Variants in CYP27C1 observed in about 807,000 individuals in gnomAD.
CYP27C1 encodes the protein cytochrome P450 family 27 subfamily C member 1, also known as cytochrome P450 27C1.
In CYP27C1, 29 loss-of-function variants were observed where a neutral mutation model predicts 40.6. The ratio of observed to expected loss-of-function variants is 0.71; its 90% CI spans 0.53 to 0.97. The LOEUF (loss-of-function observed/expected upper bound fraction) is 0.97, where lower values mean the gene tolerates loss of function less well. Ranked by LOEUF, CYP27C1 falls within the 50% of genes least tolerant of loss-of-function variation. The pLI is 0.00. For synonymous variants in CYP27C1, 198 were observed against 186.8 expected (o/e 1.06, Z -0.49); for missense variants, 390 against 485.8 (o/e 0.80, Z 1.85).
In CYP27C1 at chr2:127,206,851, T is replaced by C. The variant is rs1335953188; in HGVS notation, c.283-761A>G. ...AAAATGAAGGAAAAGACATCTGGAT[T>C]GGAAATGAAGAAGTCAGGCTATCTC... On this transcript the variant is annotated intron_variant, in intron 1 of 8. Transcript: ENST00000664447. Among the ~76,000 whole-genome samples, 3 of 152,118 alleles carry C rather than the reference T, an allele frequency of 2.0e-5. No homozygotes were observed. The East Asian group carries it at 5.8e-4, about 29-fold the overall frequency.
At position 127,209,577 on chromosome 2, in the gene CYP27C1, G is replaced by T. The variant is rs1683297955; in HGVS notation, c.283-3487C>A. Among the ~76,000 whole-genome samples, 1 of 152,170 alleles carries T rather than the reference G, an allele frequency of 6.6e-6. No individual in the cohort carries two copies. Among genetic ancestry groups the T allele is most frequent in the African/African-American group, 2.4e-5 (1 of 41,434 alleles). On this transcript the variant is annotated intron_variant, in intron 1 of 8. Transcript: ENST00000664447. This position sits in a 1 kb window ranked among gnomAD's most constrained non-coding sequence, Gnocchi z 4.1. ...AATAAAAAACTGCGATGACCTAAAG[G>T]AGCATGTTCTAACACAATGCAAAGA... is the stretch of plus-strand genomic sequence containing the variant.
rs1301245464 is a variant in CYP27C1 at position 127,195,036 on chromosome 2, G to C, written c.1214+299C>G. Among the ~76,000 whole-genome samples the C allele has an allele frequency of 6.6e-6, 1 of 152,142 alleles. No individual in the cohort carries two copies. Among genetic ancestry groups the C allele is most frequent in the East Asian group, 1.9e-4 (1 of 5,156 alleles). On this transcript the variant is annotated intron_variant, in intron 6 of 8. Transcript: ENST00000664447. The surrounding 1 kb of genome is among the most constrained non-coding windows in gnomAD (Gnocchi z 6.2). ...GTAGAGACGCAGTTTCACCATGTTGGCCAGGCTGCTCTTGAACTCCTGACC... is the reference window on the plus strand; with the variant it reads ...GTAGAGACGCAGTTTCACCATGTTGCCCAGGCTGCTCTTGAACTCCTGACC...
At chr2:127,189,180 C>T (rs543342021) in intron 8 of CYP27C1, among the ~76,000 whole-genome samples, 23 of 149,946 alleles carry the variant, frequency 1.5e-4, no homozygotes, top group South Asian at 1.1e-3. Context: ...CCCCCCCCTC[C>T]GCCCCCCTAC....
rs78597087 is a variant in CYP27C1, at chr2:127,206,765, C to G, written c.283-675G>C. On this transcript the variant is annotated intron_variant, in intron 1 of 8. Coordinates refer to ENST00000664447, the MANE Select transcript of CYP27C1 (RefSeq NM_001367502.1). ...CTACCCAAGCAGTACCAAGCCAACT[C>G]TGCAGAGCAAGCCCTCTGTGGACAG... Among the ~76,000 whole-genome samples the G allele has an allele frequency of 8.5e-5, 13 of 152,320 alleles. No individual in the cohort carries two copies. The East Asian group carries it at 2.3e-3, about 27-fold the overall frequency.
At chr2:127,193,042 C>T (rs1682816682) in intron 8 of CYP27C1, 52 bp downstream of exon 8, 1 of 1,597,178 alleles carries the variant, frequency 6.3e-7, no homozygotes, top group African/African-American at 1.3e-5. Context: ...CCTGTTGTGC[C>T]CAGTAGAAAG....
At chr2:127,204,616 A>AGAAAGAAG (rs1683182239) in intron 2 of CYP27C1, among the ~76,000 whole-genome samples, 2 of 103,620 alleles carry the variant, frequency 1.9e-5, no homozygotes, top group South Asian at 5.0e-4. Context: ...AAAGAAAGAA[A>AGAAAGAAG]GAAAGAAAGA....
intron 2 of CYP27C1, among the ~76,000 whole-genome samples, chr2:127,204,610 A>AAGCAAGCAAGCAAGCAAGC (rs1558931557): frequency 8.8e-5 from 9 of 102,604 alleles, no homozygotes; most frequent in African/African-American, 3.7e-4. Context: ...AGAAAGAAAG[A>AAGCAAGCAAGCAAGCAAGC]AAGAAAGAAA....
At chr2:127,191,504 C>T (rs1014496354) in intron 8 of CYP27C1, among the ~76,000 whole-genome samples, 4 of 152,128 alleles carry the variant, frequency 2.6e-5, no homozygotes, top group East Asian at 1.9e-4. Flanking sequence ...GCAGTGGCTG[C>T]GGGAGGCACA....
At chr2:127,213,750 G>T (rs937454447) in intron 1 of CYP27C1, among the ~76,000 whole-genome samples, 2 of 152,106 alleles carry the variant, frequency 1.3e-5, no homozygotes, top group South Asian at 4.1e-4. Flanking sequence ...CAGAACACAG[G>T]CATCTGCAAA....
In CYP27C1 at chr2:127,219,688, G is replaced by C. The variant is rs1028943602; in HGVS notation, c.282+301C>G. ...CTCCCTCTGCCTGCTGCCCCTCTCC[G>C]GGGTCCGCTTCCCGAAGACCCCTCC... On this transcript the variant is annotated intron_variant, in intron 1 of 8. Transcript: ENST00000664447. The surrounding 1 kb of genome is among the most constrained non-coding windows in gnomAD (Gnocchi z 8.7). Among the ~76,000 whole-genome samples the C allele has an allele frequency of 6.6e-6, 1 of 150,804 alleles. No individual in the cohort carries two copies. The highest frequency in any genetic ancestry group is 2.4e-5 in the African/African-American group (1 of 40,946).
Position 127,193,186 on chromosome 2 carries a change from C to A in CYP27C1, c.1405G>T (p.Asp469Tyr), listed in dbSNP as rs1463358624. The change falls in exon 8 of 9, where the codon GAC becomes TAC. Residue 469 changes from aspartate (D) to tyrosine (Y), a missense_variant. Coordinates refer to ENST00000664447, the MANE Select transcript of CYP27C1 (RefSeq NM_001367502.1). ...CCAAAGGGGATGGATCCAAAATTGT[C>A]AACTCTATCTAAGTCTCCTTTCCGC... ...WLRKGDLDRV[D>Y]NFGSIPFGHG... The A allele has an allele frequency of 1.9e-6, 3 of 1,614,208 alleles. No homozygotes were observed. The highest frequency in any genetic ancestry group is 2.2e-5 in the South Asian group (2 of 91,076).
chr2:127,207,685 A>T (rs1213158701), intron 1 of CYP27C1, among the ~76,000 whole-genome samples: 2 of 152,028 alleles, frequency 1.3e-5, no homozygotes, highest in African/African-American at 4.8e-5. Context: ...AAAAAATAAT[A>T]ATATTCTTAG....
chr2:127,195,857 A>T lies in CYP27C1; in HGVS notation c.1048-356T>A, dbSNP rs1411639751. The stretch of plus-strand genomic sequence containing the variant: ...GGAGGATCTGCTGGGACTTTGTGTG[A>T]CCTTCTTTGCAGGGCTTGCTCGGTG... On this transcript the variant is annotated intron_variant, in intron 5 of 8. Transcript: ENST00000664447. The surrounding 1 kb of genome is among the most constrained non-coding windows in gnomAD (Gnocchi z 6.2). Among the ~76,000 whole-genome samples the T allele has an allele frequency of 1.3e-5, 2 of 152,020 alleles. No homozygotes were observed. The highest frequency in any genetic ancestry group is 2.9e-5 in the Non-Finnish European group (2 of 67,996).
rs1174173735 is a variant in CYP27C1, at chr2:127,218,120, G to A, written c.282+1869C>T. ...GGTGAAGGAAGCTGTCTGAGCAGTG[G>A]GCAGGAGGGGCTGAGCTCAGGGTGA... is the stretch of plus-strand genomic sequence containing the variant. On this transcript the variant is annotated intron_variant, in intron 1 of 8. Transcript: ENST00000664447. This position sits in a 1 kb window ranked among gnomAD's most constrained non-coding sequence, Gnocchi z 6.0. Among the ~76,000 whole-genome samples, 1 of 152,168 alleles carries A rather than the reference G, an allele frequency of 6.6e-6. No homozygotes were observed. The highest frequency in any genetic ancestry group is 2.4e-5 in the African/African-American group (1 of 41,422).
Position 127,201,456 on chromosome 2 carries a change from C to T in CYP27C1, c.674-125G>A. On this transcript the variant is annotated intron_variant, in intron 3 of 8. Transcript: ENST00000664447. The surrounding 1 kb of genome is among the most constrained non-coding windows in gnomAD (Gnocchi z 6.0). ...GCCTTTCATGAATGAGGCATCGTCCCTCTGAGGATTTCTCTGCATCCTGAA... is the reference window on the plus strand; with the variant it reads ...GCCTTTCATGAATGAGGCATCGTCCTTCTGAGGATTTCTCTGCATCCTGAA... The T allele has an allele frequency of 1.2e-6, 1 of 852,184 alleles. No individual in the cohort carries two copies. Among genetic ancestry groups the T allele is most frequent in the Non-Finnish European group, 1.8e-6 (1 of 553,882 alleles). 52.8% of individuals were successfully genotyped at this position (852,184 alleles called of 1,614,324 possible).
chr2:127,198,077 C>T (rs1175572006), intron 5 of CYP27C1, among the ~76,000 whole-genome samples: 1 of 152,062 alleles, frequency 6.6e-6, no homozygotes, highest in African/African-American at 2.4e-5. Context: ...GTGGGTTCCC[C>T]CCAGGTTAAT....
intron 1 of CYP27C1, among the ~76,000 whole-genome samples, 40 bp from the exon 2 acceptor site, chr2:127,206,130 T>C (rs1444482832): frequency 6.6e-6 from 1 of 152,194 alleles, no homozygotes; most frequent in African/African-American, 2.4e-5. Context: ...AAAAAATACA[T>C]AGATATGATA....
chr2:127,213,604 G>T (rs939733952), intron 1 of CYP27C1, among the ~76,000 whole-genome samples: 2 of 152,114 alleles, frequency 1.3e-5, no homozygotes, highest in African/African-American at 4.8e-5. Context: ...GGGAAAACTG[G>T]CTAGCCATAT....
chr2:127,204,454 AAGAAAGAAAGAAAGAAAGAAAGAAAG>A (rs1558930893), intron 2 of CYP27C1, among the ~76,000 whole-genome samples: 1 of 43,988 alleles, frequency 2.3e-5, no homozygotes, highest in Non-Finnish European at 4.5e-5. Context: ...GAAAGAAAGA[AAGAAAGAAAGAAAGAAAGAAAGAAAG>A]AAAGAAAGGA....
Sources: allele counts gnomAD v4.1 joint callset (sites outside exome capture counted in the v4.1 genomes callset), GRCh38; gene constraint gnomAD v4.1.1; non-coding constraint Gnocchi (gnomAD v3.1); transcripts MANE v1.5; gene names NCBI Gene and HGNC (gene_info 2026-07-23, HGNC 2026-07-21).